Variants in IGSF11 observed in about 807,000 individuals in gnomAD.
The protein encoded by IGSF11 is immunoglobulin superfamily member 11, also known as CXADR like 1.
A neutral mutation model predicts 41.0 loss-of-function variants in IGSF11; 22 were observed. The ratio of observed to expected loss-of-function variants is 0.54; its 90% CI spans 0.38 to 0.77. The LOEUF is 0.77. IGSF11 is among the 30% of genes least tolerant of loss of function. The probability of loss-of-function intolerance (pLI) is 0.00; values close to 1 mark genes in which losing one functional copy is unlikely to be tolerated. For synonymous variants in IGSF11, 219 were observed against 201.3 expected, an observed-to-expected ratio of 1.09 and a Z score of -0.74; for missense variants, 444 against 530.8, an observed-to-expected ratio of 0.84 and a Z score of 1.61.
At chr3:119,128,732 C>T (rs1488370212) in intron 1 of IGSF11, among the ~76,000 whole-genome samples, 1 of 152,130 alleles carries the variant, frequency 6.6e-6, no homozygotes, top group East Asian at 1.9e-4. Flanking sequence ...TAAATTAGTT[C>T]AACCATTGTG....
At chr3:119,084,460 C>G (rs1210117102) in intron 1 of IGSF11, among the ~76,000 whole-genome samples, 1 of 152,108 alleles carries the variant, frequency 6.6e-6, no homozygotes, top group Admixed American at 6.6e-5. Flanking sequence ...GGGCATTTCC[C>G]CAGAGATTAG....
upstream of IGSF11, among the ~76,000 whole-genome samples, chr3:119,107,395 G>A (rs2077051256): frequency 2.0e-5 from 3 of 152,298 alleles, no homozygotes; most frequent in South Asian, 4.1e-4. Flanking sequence ...CTTTTGAGAA[G>A]TGTCTGTTCA....
At chr3:119,110,219 G>A (rs1473299151), upstream of IGSF11, among the ~76,000 whole-genome samples, 2 of 152,060 alleles carry the variant, frequency 1.3e-5, no homozygotes, top group Non-Finnish European at 2.9e-5. Context: ...TATTGTGTGG[G>A]AGTCTAAGTC....
chr3:119,002,435 T>C (rs549677402), intron 1 of IGSF11, among the ~76,000 whole-genome samples: 42 of 149,238 alleles, frequency 2.8e-4, no homozygotes, highest in African/African-American at 1.1e-3. Flanking sequence ...CTGTTCACTC[T>C]GATGGTACTT....
intron 1 of IGSF11, among the ~76,000 whole-genome samples, chr3:118,974,461 G>A (rs190479627): frequency 2.0e-5 from 3 of 152,300 alleles, no homozygotes; most frequent in Non-Finnish European, 4.4e-5. Flanking sequence ...GGGTGATTAG[G>A]AAGAACAGTC....
intron 1 of IGSF11, among the ~76,000 whole-genome samples, chr3:119,068,927 C>CTTTTT (rs574659492): frequency 1.2e-5 from 1 of 81,018 alleles, no homozygotes; most frequent in African/African-American, 5.4e-5. Context: ...TTTTTTTTTT[C>CTTTTT]TTTTTTTTTT....
intron 1 of IGSF11, among the ~76,000 whole-genome samples, chr3:119,099,950 C>T (rs575957591): frequency 1.2e-4 from 19 of 152,256 alleles, no homozygotes; most frequent in African/African-American, 4.3e-4. Context: ...TACTAAGAAA[C>T]TAATGGGCAG....
upstream of IGSF11, chr3:119,034,878 T>TG: frequency 8.6e-7 from 1 of 1,156,154 alleles, no homozygotes; most frequent in East Asian, 3.6e-5. Context: ...GGGGAGCCAC[T>TG]CCCCCCAACT....
At chr3:119,112,327 A>G (rs934409781) in intron 1 of IGSF11, among the ~76,000 whole-genome samples, 18 of 152,042 alleles carry the variant, frequency 1.2e-4, no homozygotes, top group Non-Finnish European at 2.9e-5. Context: ...CCTCTCTGCC[A>G]CCTTGCAGTT....
chr3:118,997,490 T>A (rs1936383587), intron 1 of IGSF11, among the ~76,000 whole-genome samples: 1 of 152,042 alleles, frequency 6.6e-6, no homozygotes, highest in Admixed American at 6.5e-5. Context: ...TGTGATTTGC[T>A]CACTTTCTTC....
In IGSF11 at chr3:119,074,194, CCAA is replaced by C. The variant is rs571772640; in HGVS notation, c.49+30947_49+30949del. 2.6e-5 allele frequency among the ~76,000 whole-genome samples: 4 copies of C among 152,134 alleles called. No homozygotes were observed. The East Asian group carries it at 5.8e-4, about 22-fold the overall frequency. Reference sequence around the variant, plus strand: ...AACAGACATCTACAGAACACTCTACCCAACAACAACAGAATATACATTCTCATC... The same window carrying C: ...AACAGACATCTACAGAACACTCTACCCAACAACAGAATATACATTCTCATC... On this transcript the variant is annotated intron_variant, in intron 1 of 6. Coordinates refer to the IGSF11 transcript ENST00000354673.
At chr3:119,108,643 G>C (rs2077081474), upstream of IGSF11, among the ~76,000 whole-genome samples, 2 of 114,658 alleles carry the variant, frequency 1.7e-5, no homozygotes, top group African/African-American at 3.1e-5. Flanking sequence ...GGAGTGGTGA[G>C]AGAGGGCCTC....
At chr3:119,118,988 C>T (rs186415597) in intron 1 of IGSF11, among the ~76,000 whole-genome samples, 14 of 152,308 alleles carry the variant, frequency 9.2e-5, no homozygotes, top group African/African-American at 3.4e-4. Context: ...ATTTCATTGT[C>T]CATATCATTA....
In IGSF11 at chr3:118,955,245, C is replaced by T. The variant is rs867910103; in HGVS notation, c.53-24970G>A. Among the ~76,000 whole-genome samples the T allele has an allele frequency of 3.9e-5, 5 of 129,380 alleles. No homozygotes were observed. The South Asian group carries it at 1.1e-3, about 29-fold the overall frequency. 84.9% of individuals were successfully genotyped at this position (129,380 alleles called of 152,430 possible). ...ACACACACACACACACACACACACA[C>T]ACACACACATACACACACACACCAT... On this transcript the variant is annotated intron_variant, in intron 1 of 6. Coordinates refer to ENST00000393775, the MANE Select transcript of IGSF11 (RefSeq NM_001015887.3).
chr3:118,942,779 T>C (rs1252723787), intron 1 of IGSF11, among the ~76,000 whole-genome samples: 1 of 152,188 alleles, frequency 6.6e-6, no homozygotes, highest in African/African-American at 2.4e-5. Context: ...CTTGTCGGCT[T>C]TGCAGGGTGA....
chr3:118,903,516 T>C (rs540870150), intron 6 of IGSF11, among the ~76,000 whole-genome samples: 1 of 152,154 alleles, frequency 6.6e-6, no homozygotes, highest in Non-Finnish European at 1.5e-5. Context: ...AGAGTTGGCC[T>C]GATTGTATTA....
At chr3:118,953,015 C>T (rs1342076881) in intron 1 of IGSF11, among the ~76,000 whole-genome samples, 1 of 152,056 alleles carries the variant, frequency 6.6e-6, no homozygotes, top group African/African-American at 2.4e-5. Context: ...GCAGTATACA[C>T]TGTATCCAGT....
chr3:119,014,091 T>A (rs780481005), intron 1 of IGSF11, among the ~76,000 whole-genome samples: 7 of 152,242 alleles, frequency 4.6e-5, no homozygotes, highest in Non-Finnish European at 1.0e-4. Context: ...TTTGCACTCG[T>A]TAGCACTGCC....
chr3:119,073,762 C>T (rs372050163), intron 1 of IGSF11, among the ~76,000 whole-genome samples: 57 of 152,300 alleles, frequency 3.7e-4, no homozygotes, highest in African/African-American at 1.3e-3. Context: ...CACACAGCCC[C>T]GGTTTCCACC....
Sources: gnomAD v4.1 joint callset for allele counts (sites outside exome capture counted in the v4.1 genomes callset) on GRCh38, gnomAD v4.1.1 for gene constraint, MANE v1.5 for transcripts, NCBI Gene and HGNC (gene_info 2026-07-23, HGNC 2026-07-21) for gene names.